Variants in ZMYND8 observed in about 807,000 individuals in gnomAD.
ZMYND8 encodes the protein zinc finger MYND-type containing 8.
Under a neutral mutation model 140.8 loss-of-function variants are expected in ZMYND8, and 37 were observed. The observed-to-expected ratio is 0.26, with a 90% CI of 0.20 to 0.35. The LOEUF is 0.35. Ranked by LOEUF, ZMYND8 falls within the 10% of genes least tolerant of loss-of-function variation. ZMYND8 has a pLI of 1.00. For missense variants in ZMYND8, 1,068 were observed against 1,570.0 expected (o/e 0.68, Z 5.40); for synonymous variants, 592 against 597.1 (o/e 0.99, Z 0.12).
intron 21 of ZMYND8, among the ~76,000 whole-genome samples, chr20:47,214,927 A>AG (rs1256272778): frequency 1.3e-5 from 2 of 152,188 alleles, no homozygotes; most frequent in African/African-American, 4.8e-5. Context: ...TTAAGAAAAA[A>AG]GTCTCTGCTG....
intron 16 of ZMYND8, among the ~76,000 whole-genome samples, chr20:47,232,888 T>G (rs1014834507): frequency 3.3e-5 from 3 of 90,380 alleles, no homozygotes; most frequent in East Asian, 3.1e-4. Context: ...CTCCCCCATG[T>G]TTTTTTTTGT....
intron 11 of ZMYND8, among the ~76,000 whole-genome samples, chr20:47,268,308 T>TC (rs1569044852): frequency 2.1e-5 from 3 of 143,408 alleles, no homozygotes; most frequent in Non-Finnish European, 3.0e-5. Flanking sequence ...TTTTTTTTTT[T>TC]TTCAGAAGGG....
intron 12 of ZMYND8, among the ~76,000 whole-genome samples, chr20:47,261,873 C>A (rs1182612804): frequency 6.6e-6 from 1 of 152,004 alleles, no homozygotes; most frequent in Non-Finnish European, 1.5e-5. Context: ...GGGTTTGAGA[C>A]CAGCCTGGCC....
chr20:47,339,666 C>T (rs1487837876), intron 2 of ZMYND8, among the ~76,000 whole-genome samples: 16 of 151,956 alleles, frequency 1.1e-4, no homozygotes, highest in African/African-American at 2.9e-4. Context: ...TTAGTAGAGA[C>T]GGGGTTTCAC....
Position 47,295,180 on chromosome 20 carries a change from C to T in ZMYND8, c.454-401G>A, listed in dbSNP as rs1239140294. 2.0e-5 allele frequency among the ~76,000 whole-genome samples: 3 copies of T among 152,250 alleles called. No homozygotes were observed. The East Asian group carries it at 5.8e-4, about 29-fold the overall frequency. ...GGCTGAGGTGGGTAGATTGCTTGAG[C>T]CCCAGTGTTGGAGACCAGCCTGGCA... is the stretch of plus-strand genomic sequence containing the variant. On this transcript the variant is annotated intron_variant, in intron 4 of 22. Coordinates refer to ENST00000471951, the MANE Select transcript of ZMYND8 (RefSeq NM_001281775.3).
chr20:47,320,137 A>G (rs569684864), intron 2 of ZMYND8: 2 of 152,256 alleles, frequency 1.3e-5, no homozygotes. Flanking sequence ...AAACAAAAAG[A>G]CAGTTCTGTG....
intron 17 of ZMYND8, among the ~76,000 whole-genome samples, chr20:47,227,967 C>G (rs2037930246): frequency 6.6e-6 from 1 of 152,120 alleles, no homozygotes; most frequent in Non-Finnish European, 1.5e-5. Context: ...GCGGCGCACG[C>G]CTGTAATCCC....
At chr20:47,327,540 C>T (rs1400090715) in intron 2 of ZMYND8, among the ~76,000 whole-genome samples, 1 of 146,546 alleles carries the variant, frequency 6.8e-6, no homozygotes, top group Non-Finnish European at 1.5e-5. Flanking sequence ...CCTGTAGTTC[C>T]AGCTACTTGG....
At chr20:47,324,268 G>T (rs2080223117) in intron 2 of ZMYND8, among the ~76,000 whole-genome samples, 1 of 150,130 alleles carries the variant, frequency 6.7e-6, no homozygotes, top group African/African-American at 2.5e-5. Flanking sequence ...TGTAATCCCA[G>T]CACTTTGGGA....
chr20:47,333,850 G>A (rs2081175613), intron 2 of ZMYND8, among the ~76,000 whole-genome samples: 1 of 150,390 alleles, frequency 6.6e-6, no homozygotes, highest in Non-Finnish European at 1.5e-5. Context: ...GAGGGGTGCA[G>A]TGAGCTGAGA....
At position 47,304,157 on chromosome 20, in the gene ZMYND8, G is replaced by A. The variant is rs192276401; in HGVS notation, c.235-5210C>T. Among the ~76,000 whole-genome samples, 144 of 152,270 alleles carry A rather than the reference G, an allele frequency of 9.5e-4. 2 individuals carry two copies. The East Asian group carries it at 0.019, about 20-fold the overall frequency. The stretch of plus-strand genomic sequence containing the variant: ...ACTAGGGAAACAGGTTGCAACCTGT[G>A]TTATCATGGAATATTTGCAGGTTAT... On this transcript the variant is annotated intron_variant, in intron 3 of 22. Coordinates refer to ENST00000471951, the MANE Select transcript of ZMYND8 (RefSeq NM_001281775.3).
At chr20:47,254,970 C>A (rs1180985832) in intron 12 of ZMYND8, among the ~76,000 whole-genome samples, 1 of 152,038 alleles carries the variant, frequency 6.6e-6, no homozygotes, top group Non-Finnish European at 1.5e-5. Context: ...CTACTAAAAC[C>A]CCATCTCTAC....
intron 12 of ZMYND8, among the ~76,000 whole-genome samples, chr20:47,252,013 T>G (rs1484965786): frequency 6.6e-6 from 1 of 151,072 alleles, no homozygotes; most frequent in Non-Finnish European, 1.5e-5. Context: ...AAAAGAGAAA[T>G]GCCGGGCGCA....
In ZMYND8 at chr20:47,340,835, A is replaced by AG. The variant is rs1602089743; in HGVS notation, c.85+7020_85+7021insC. On this transcript the variant is annotated intron_variant, in intron 2 of 22. Transcript: ENST00000471951. The stretch of plus-strand genomic sequence containing the variant: ...AAAAAAAAAAAATACAGCAGCCAGC[A>AG]TTCTAGCAGAGTAACAAATAAGAAA... Among the ~76,000 whole-genome samples the AG allele has an allele frequency of 1.1e-4, 16 of 152,144 alleles. 1 individual carries two copies. In the South Asian group the frequency reaches 2.9e-3, roughly 28 times the overall value.
At chr20:47,224,235 C>A in intron 19 of ZMYND8, 82 bp downstream of exon 19, 1 of 1,577,488 alleles carries the variant, frequency 6.3e-7, no homozygotes, top group Non-Finnish European at 8.6e-7. Flanking sequence ...GACAATTAGC[C>A]CTGAGACCCC....
rs549939123 is a variant in ZMYND8, at chr20:47,252,247, G to A, written c.1622-2808C>T. On this transcript the variant is annotated intron_variant, in intron 12 of 22. Coordinates refer to ENST00000471951, the MANE Select transcript of ZMYND8 (RefSeq NM_001281775.3). ...GGCGAAGGTTGCAGTGAGCGAGATC[G>A]CACCACTACACTCCAGCCTGGGCGA... Among the ~76,000 whole-genome samples, 32 of 131,956 alleles carry A rather than the reference G, an allele frequency of 2.4e-4. No homozygotes were observed. The South Asian group carries it at 5.5e-3, about 23-fold the overall frequency. 86.6% of individuals were successfully genotyped at this position (131,956 alleles called of 152,430 possible).
chr20:47,234,749 T>A (rs1198028225), intron 16 of ZMYND8, among the ~76,000 whole-genome samples: 1 of 151,600 alleles, frequency 6.6e-6, no homozygotes, highest in African/African-American at 2.4e-5. Context: ...AAAAAAAAAA[T>A]TCATATATAT....
At chr20:47,292,200 A>T (rs985547323) in intron 5 of ZMYND8, among the ~76,000 whole-genome samples, 2 of 152,232 alleles carry the variant, frequency 1.3e-5, no homozygotes, top group Non-Finnish European at 2.9e-5. Context: ...AAGATGCTTT[A>T]ACAAAATCAG....
At chr20:47,313,426 T>A (rs1054653586) in intron 2 of ZMYND8, among the ~76,000 whole-genome samples, 9 of 150,526 alleles carry the variant, frequency 6.0e-5, no homozygotes, top group Non-Finnish European at 1.2e-4. Flanking sequence ...ATCGAGACCA[T>A]CCTGGCTAAC....
Sources: gnomAD v4.1 joint callset for allele counts (sites outside exome capture counted in the v4.1 genomes callset) on GRCh38, gnomAD v4.1.1 for gene constraint, MANE v1.5 for transcripts, NCBI Gene and HGNC (gene_info 2026-07-23, HGNC 2026-07-21) for gene names.